Variants in MACROD2 observed in about 807,000 individuals in gnomAD.
MACROD2 encodes mono-ADP ribosylhydrolase 2.
Under a neutral mutation model 70.4 loss-of-function variants are expected in MACROD2, and 36 were observed. That is an observed-to-expected ratio of 0.51 (90% CI 0.39 to 0.68). MACROD2 has a LOEUF of 0.68. MACROD2 is among the 30% of genes least tolerant of loss of function. The pLI, the probability that MACROD2 is intolerant of heterozygous loss-of-function variation, is 0.00. For missense variants in MACROD2, 496 were observed against 538.4 expected (o/e 0.92, Z 0.78); for synonymous variants, 172 against 178.8 (o/e 0.96, Z 0.30).
chr20:15,581,756 C>T (rs770773170), intron 8 of MACROD2, among the ~76,000 whole-genome samples: 2 of 152,188 alleles, frequency 1.3e-5, no homozygotes, highest in Non-Finnish European at 2.9e-5. Context: ...GAAGGGTGTG[C>T]TGGCTGTTGC....
intron 6 of MACROD2, among the ~76,000 whole-genome samples, chr20:15,391,547 G>C (rs17374261): frequency 0.028 from 4,291 of 152,298 alleles, 82 homozygotes; most frequent in Middle Eastern, 0.048. Context: ...CATGTCTTAT[G>C]GAAGTTTATA....
chr20:14,520,602 C>T (rs1179375682), intron 4 of MACROD2, among the ~76,000 whole-genome samples: 1 of 151,800 alleles, frequency 6.6e-6, no homozygotes, highest in African/African-American at 2.4e-5. Flanking sequence ...TAATCTTTCG[C>T]TCCTTGCTCC....
intron 8 of MACROD2, among the ~76,000 whole-genome samples, chr20:15,600,977 T>G (rs1038243745): frequency 1.3e-5 from 2 of 152,206 alleles, no homozygotes; most frequent in Non-Finnish European, 1.5e-5. Flanking sequence ...TCAGAACTCC[T>G]CTACATCATG....
At chr20:15,031,876 C>A (rs1338891416) in intron 5 of MACROD2, among the ~76,000 whole-genome samples, 1 of 152,132 alleles carries the variant, frequency 6.6e-6, no homozygotes, top group Non-Finnish European at 1.5e-5. Flanking sequence ...GGGACTCGCG[C>A]CTTTCTCCCC....
At position 14,219,638 on chromosome 20, in the gene MACROD2, C is replaced by A. The variant is rs150805237; in HGVS notation, c.271+133910C>A. Among the ~76,000 whole-genome samples, 289 of 152,244 alleles carry A rather than the reference C, an allele frequency of 1.9e-3. 3 individuals are homozygous for A. In the East Asian group the frequency reaches 0.042, roughly 22 times the overall value. On this transcript the variant is annotated intron_variant, in intron 3 of 17. Transcript: ENST00000684519. ...TATTACCAGGGTTGGTTTTCTGGTG[C>A]CTTCTCATTTGGGTAGGCTCTGTCA... is the stretch of plus-strand genomic sequence containing the variant.
At chr20:15,323,912 A>T (rs1010156640) in intron 6 of MACROD2, among the ~76,000 whole-genome samples, 5 of 152,116 alleles carry the variant, frequency 3.3e-5, no homozygotes, top group Non-Finnish European at 1.5e-5. Flanking sequence ...GCCAAGTTGG[A>T]GGCCCTTTCC....
At chr20:14,100,033 A>C (rs909157660) in intron 3 of MACROD2, among the ~76,000 whole-genome samples, 2 of 152,060 alleles carry the variant, frequency 1.3e-5, no homozygotes, top group Non-Finnish European at 2.9e-5. Flanking sequence ...TGTAGTTCCT[A>C]TTGAGTTCAT....
intron 5 of MACROD2, among the ~76,000 whole-genome samples, chr20:15,186,268 C>T (rs1346697146): frequency 6.6e-6 from 1 of 152,108 alleles, no homozygotes; most frequent in Non-Finnish European, 1.5e-5. Context: ...CTTCATCATA[C>T]CTGGTGGATT....
At chr20:14,525,586 G>T (rs1010675577) in intron 4 of MACROD2, among the ~76,000 whole-genome samples, 1 of 151,754 alleles carries the variant, frequency 6.6e-6, no homozygotes, top group African/African-American at 2.4e-5. Context: ...TCTGAAATTG[G>T]CATATTTTTA....
chr20:14,307,090 G>A (rs1251857078), intron 3 of MACROD2, among the ~76,000 whole-genome samples: 2 of 151,464 alleles, frequency 1.3e-5, no homozygotes, highest in East Asian at 3.9e-4. Context: ...AGTCAGAGAG[G>A]GAGGTAAAGT....
chr20:15,618,950 C>G (rs1000281920), intron 8 of MACROD2, among the ~76,000 whole-genome samples: 2 of 152,268 alleles, frequency 1.3e-5, no homozygotes, highest in Admixed American at 6.5e-5. Flanking sequence ...GCCAGTGAGT[C>G]AAGAGTGCTG....
At chr20:15,485,991 A>T (rs2047158231) in intron 7 of MACROD2, among the ~76,000 whole-genome samples, 1 of 152,192 alleles carries the variant, frequency 6.6e-6, no homozygotes, top group East Asian at 1.9e-4. Flanking sequence ...TATTACTAGG[A>T]TGTGGTGAAA....
At chr20:14,036,892 C>T (rs1328327393) in intron 2 of MACROD2, among the ~76,000 whole-genome samples, 1 of 152,200 alleles carries the variant, frequency 6.6e-6, no homozygotes, top group Admixed American at 6.5e-5. Flanking sequence ...GATTATTCAG[C>T]ATTGATTACT....
At chr20:15,564,328 C>A (rs1173993858) in intron 8 of MACROD2, among the ~76,000 whole-genome samples, 2 of 152,158 alleles carry the variant, frequency 1.3e-5, no homozygotes, top group African/African-American at 4.8e-5. Context: ...CTGCAGGTCA[C>A]TTTTTGGTTA....
intron 8 of MACROD2, among the ~76,000 whole-genome samples, chr20:15,806,720 T>C (rs2063772684): frequency 6.6e-6 from 1 of 152,216 alleles, no homozygotes; most frequent in Non-Finnish European, 1.5e-5. Context: ...TGTGGAGGAA[T>C]GGGCATTCAG....
At chr20:15,531,307 A>G (rs2146547295) in intron 8 of MACROD2, among the ~76,000 whole-genome samples, 1 of 148,194 alleles carries the variant, frequency 6.7e-6, no homozygotes, top group East Asian at 2.1e-4. Context: ...AATATGATTT[A>G]ATAACATAAA....
At chr20:15,959,537 G>T (rs1222441465) in intron 12 of MACROD2, among the ~76,000 whole-genome samples, 1 of 152,018 alleles carries the variant, frequency 6.6e-6, no homozygotes, top group African/African-American at 2.4e-5. Context: ...TTGTTTGTTT[G>T]TTTGTTTTTG....
chr20:15,270,697 G>T (rs149559705), intron 6 of MACROD2, among the ~76,000 whole-genome samples: 62 of 152,276 alleles, frequency 4.1e-4, no homozygotes, highest in Non-Finnish European at 8.1e-4. Context: ...TCTGTCATCA[G>T]TTCTGTCTTT....
intron 8 of MACROD2, among the ~76,000 whole-genome samples, chr20:15,524,511 A>T (rs6079872): frequency 0.11 from 17,488 of 152,154 alleles, 1,887 homozygotes; most frequent in African/African-American, 0.28. Context: ...TAACCCAAAC[A>T]TATCTATGGG....
Sources: allele counts gnomAD v4.1 joint callset (sites outside exome capture counted in the v4.1 genomes callset), GRCh38; gene constraint gnomAD v4.1.1; transcripts MANE v1.5; gene names NCBI Gene and HGNC (gene_info 2026-07-23, HGNC 2026-07-21).